The following IQSEC3 variants were observed in gnomAD, a reference collection of about 807,000 sequenced individuals.
The protein encoded by IQSEC3 is IQ motif and Sec7 domain ArfGEF 3, also known as IQ motif and SEC7 domain-containing protein 3.
Under a neutral mutation model 105.4 loss-of-function variants are expected in IQSEC3, and 50 were observed. The ratio of observed to expected loss-of-function variants is 0.47; its 90% CI spans 0.38 to 0.60. The LOEUF is 0.60. Among genes scored for constraint, IQSEC3 ranks in the 20% least tolerant of loss-of-function variants. IQSEC3 has a pLI of 0.00. For synonymous variants in IQSEC3, 708 were observed against 746.0 expected, an observed-to-expected ratio of 0.95 and a Z score of 0.83; for missense variants, 1,415 against 1,630.0, an observed-to-expected ratio of 0.87 and a Z score of 2.27.
intron 5 of IQSEC3, among the ~76,000 whole-genome samples, chr12:150,388 CTG>C (rs1866458484): frequency 6.6e-6 from 1 of 152,226 alleles, no homozygotes. Context: ...GCAAGTTAGA[CTG>C]TTAGCTAGCT....
At chr12:101,028 C>A (rs1864406419) in intron 2 of IQSEC3, among the ~76,000 whole-genome samples, 1 of 152,152 alleles carries the variant, frequency 6.6e-6, no homozygotes, top group African/African-American at 2.4e-5. Flanking sequence ...CAATTCAACT[C>A]AATTCAGTGA....
intron 2 of IQSEC3, among the ~76,000 whole-genome samples, chr12:108,406 G>A (rs1591662954): frequency 6.6e-6 from 1 of 152,122 alleles, no homozygotes; most frequent in Non-Finnish European, 1.5e-5. Flanking sequence ...GCAGTTATTG[G>A]GTAATCTACC....
chr12:98,419 T>C (rs1313902016), intron 1 of IQSEC3, among the ~76,000 whole-genome samples: 2 of 152,132 alleles, frequency 1.3e-5, no homozygotes, highest in Non-Finnish European at 2.9e-5. Context: ...GCATGAGTCG[T>C]TTTAAAAATT....
rs187520897 is a variant in IQSEC3 at position 113,082 on chromosome 12, G to A, written c.624-12551G>A. ...CTGGGAAGTGCCCCCGGAATGCCAC[G>A]GGGAACAGCCTGGCCCCCACTTCCT... On this transcript the variant is annotated intron_variant, in intron 2 of 13. Transcript: ENST00000538872. Among the ~76,000 whole-genome samples, 250 of 152,204 alleles carry A rather than the reference G, an allele frequency of 1.6e-3. 1 individual carries two copies. Among genetic ancestry groups the A allele is most frequent in the African/African-American group, 5.7e-3 (237 of 41,534 alleles).
chr12:70,420 C>T (rs3852580), intron 1 of IQSEC3, among the ~76,000 whole-genome samples: 1 of 152,250 alleles, frequency 6.6e-6, no homozygotes, highest in African/African-American at 2.4e-5. Flanking sequence ...TGAGTGAATG[C>T]AGAGATATTA....
intron 1 of IQSEC3, among the ~76,000 whole-genome samples, chr12:98,686 T>G (rs577720610): frequency 6.6e-6 from 1 of 152,330 alleles, no homozygotes; most frequent in Admixed American, 6.5e-5. Flanking sequence ...GTTTTGTATC[T>G]TTGTATATGA....
At chr12:97,304 C>G (rs1268284431) in intron 1 of IQSEC3, among the ~76,000 whole-genome samples, 1 of 152,064 alleles carries the variant, frequency 6.6e-6, no homozygotes, top group Non-Finnish European at 1.5e-5. Context: ...TATCATGTGT[C>G]TTTTGACTTA....
chr12:154,673 T>C (rs7955668), intron 5 of IQSEC3, among the ~76,000 whole-genome samples: 23,142 of 152,092 alleles, frequency 0.15, 3,385 homozygotes, highest in African/African-American at 0.38. Flanking sequence ...CAGTCCGCGG[T>C]GCACTTCACA....
At chr12:139,375 A>G (rs1414027256) in intron 4 of IQSEC3, 21 bp downstream of exon 4, 10 of 1,515,612 alleles carry the variant, frequency 6.6e-6, no homozygotes, top group Non-Finnish European at 8.9e-6. Flanking sequence ...CCCGGCCCCC[A>G]GCCCGGAGTC....
Position 165,502 on chromosome 12 carries a change from G to A in IQSEC3, c.2778G>A (p.Leu926=), listed in dbSNP as rs1555098030. The A allele has an allele frequency of 1.2e-6, 2 of 1,613,130 alleles. No homozygotes were observed. Among genetic ancestry groups the A allele is most frequent in the Non-Finnish European group, 1.7e-6 (2 of 1,179,406 alleles). ...TYTFCKSVGL[L]GMQFQLFENE... is the part of the protein sequence containing the mutation. ...CCTTTTGCAAGTCAGTTGGCCTGCT[G>A]GGCATGCAGTTCCAGCTCTTTGAGA... Residue 926 remains leucine (L), a synonymous_variant, in exon 10 of 14, where the codon CTG becomes CTA. Coordinates refer to ENST00000538872, the MANE Select transcript of IQSEC3 (RefSeq NM_001170738.2).
intron 8 of IQSEC3, 150 bp downstream of exon 8, chr12:162,215 C>A: frequency 2.5e-6 from 2 of 809,416 alleles, no homozygotes; most frequent in Non-Finnish European, 1.8e-6. Flanking sequence ...CCAGACACTG[C>A]ATCTCTTTTT....
At position 135,045 on chromosome 12, in the gene IQSEC3, G is replaced by A. The variant is rs112990224; in HGVS notation, c.904-3222G>A. ...CTCAGGAGGCTGAGGCAGGAGAATC[G>A]CTTGAACCCAGGAGGCGGAGGTTAT... On this transcript the variant is annotated intron_variant, in intron 3 of 13. Coordinates refer to ENST00000538872, the MANE Select transcript of IQSEC3 (RefSeq NM_001170738.2). 6.7e-3 allele frequency among the ~76,000 whole-genome samples: 1,022 copies of A among 152,252 alleles called. 18 individuals are homozygous for A. The highest frequency in any genetic ancestry group is 0.024 in the African/African-American group (980 of 41,546).
In IQSEC3 at chr12:175,571, C is replaced by G. The variant is rs1002935078; in HGVS notation, c.*538C>G. Reference sequence around the variant, plus strand: ...AGGAGGGGGCTTTTTCTGCCACCCCCGCCCCCAAGCCTGAAACTCTCAGGA... The same window carrying G: ...AGGAGGGGGCTTTTTCTGCCACCCCGGCCCCCAAGCCTGAAACTCTCAGGA... On this transcript the variant is annotated 3_prime_UTR_variant, in exon 14 of 14. Coordinates refer to ENST00000538872, the MANE Select transcript of IQSEC3 (RefSeq NM_001170738.2). The G allele has an allele frequency of 2.0e-5, 3 of 153,014 alleles. No homozygotes were observed. The highest frequency in any genetic ancestry group is 7.2e-5 in the African/African-American group (3 of 41,432). 9.5% of individuals were successfully genotyped at this position (153,014 alleles called of 1,614,324 possible). A position where few individuals can be genotyped will look rare whatever the true frequency, so the allele number is the denominator to read the frequency against.
intron 13 of IQSEC3, among the ~76,000 whole-genome samples, chr12:172,992 T>A (rs1329487193): frequency 6.6e-6 from 1 of 152,094 alleles, no homozygotes; most frequent in African/African-American, 2.4e-5. Flanking sequence ...AGCCAGACAT[T>A]CGCCTGGGGA....
intron 3 of IQSEC3, 48 bp downstream of exon 3, chr12:125,960 G>C: frequency 6.6e-7 from 1 of 1,507,794 alleles, no homozygotes; most frequent in South Asian, 1.2e-5. Flanking sequence ...AAGGGGCCCT[G>C]CTTTGGGGGC....
chr12:134,963 CT>C (rs1443887900), intron 3 of IQSEC3, among the ~76,000 whole-genome samples: 8 of 151,988 alleles, frequency 5.3e-5, no homozygotes, highest in East Asian at 3.9e-4. Context: ...CCTGTCTCTA[CT>C]TAAAAAAATA....
At chr12:72,072 T>C (rs1863340698) in intron 1 of IQSEC3, among the ~76,000 whole-genome samples, 2 of 152,276 alleles carry the variant, frequency 1.3e-5, no homozygotes, top group Non-Finnish European at 2.9e-5. Flanking sequence ...AAACCCTGAT[T>C]GTCTCACTCC....
chr12:72,107 T>C (rs1863342740), intron 1 of IQSEC3, among the ~76,000 whole-genome samples: 3 of 152,378 alleles, frequency 2.0e-5, no homozygotes, highest in East Asian at 3.9e-4. Flanking sequence ...CAGCTCCCTC[T>C]TTCCTCACTC....
intron 12 of IQSEC3, among the ~76,000 whole-genome samples, chr12:170,650 C>T (rs1427091123): frequency 1.3e-5 from 2 of 152,260 alleles, no homozygotes; most frequent in African/African-American, 2.4e-5. Flanking sequence ...CAGTTATCGG[C>T]TCTCACCGTG....
Sources: allele counts gnomAD v4.1 joint callset (sites outside exome capture counted in the v4.1 genomes callset), GRCh38; gene constraint gnomAD v4.1.1; transcripts MANE v1.5; gene names NCBI Gene and HGNC (gene_info 2026-07-23, HGNC 2026-07-21).